APOL5: variants seen among roughly 807,000 people sequenced by gnomAD.
APOL5 encodes apolipoprotein L5.
APOL5 carries 29 observed loss-of-function variants against 35.5 expected under a neutral mutation model. The observed-to-expected ratio is 0.82, with a 90% CI of 0.61 to 1.11. The LOEUF (loss-of-function observed/expected upper bound fraction) is 1.11, where lower values mean the gene tolerates loss of function less well. APOL5 is among the 50% of genes most tolerant of loss of function. The pLI, the probability that APOL5 is intolerant of heterozygous loss-of-function variation, is 0.00. For missense variants in APOL5, 514 were observed against 530.4 expected (o/e 0.97, Z 0.30); for synonymous variants, 188 against 200.2 (o/e 0.94, Z 0.51).
chr22:35,722,909 C>G (rs1927023612), intron 2 of APOL5, among the ~76,000 whole-genome samples: 1 of 152,122 alleles, frequency 6.6e-6, no homozygotes, highest in Non-Finnish European at 1.5e-5. Flanking sequence ...CCTTCCAGCT[C>G]TAACATCTCA....
chr22:35,717,037 T>C (rs5999969), upstream of APOL5, among the ~76,000 whole-genome samples: 12,679 of 150,840 alleles, frequency 0.084, 1,834 homozygotes, highest in African/African-American at 0.29. Flanking sequence ...GTGGTGGGTG[T>C]ATTTCTAGAG....
chr22:35,723,600 C>A (rs777019395), intron 2 of APOL5, among the ~76,000 whole-genome samples: 96 of 152,202 alleles, frequency 6.3e-4, no homozygotes, highest in Non-Finnish European at 9.3e-4. Context: ...AAGCTCCCCC[C>A]ACTTGCCTGT....
At position 35,728,717 on chromosome 22, in the gene APOL5, C is replaced by A. The variant is rs781681932; in HGVS notation, c.1127-6C>A. 3 of 1,610,292 alleles carry A rather than the reference C, an allele frequency of 1.9e-6. No individual in the cohort carries two copies. In the Admixed American group the frequency reaches 5.0e-5, roughly 27 times the overall value. ...GTTGTAAGACACAGGGACTCATGTT[C>A]CACAGGGTCTCGCTCACCTCTCCCC... On this transcript the variant is annotated splice_polypyrimidine_tract_variant and splice_region_variant and intron_variant, in intron 3 of 4. Coordinates refer to ENST00000249044, the MANE Select transcript of APOL5 (RefSeq NM_030642.1).
At chr22:35,723,256 A>C (rs758879638) in intron 2 of APOL5, among the ~76,000 whole-genome samples, 7 of 152,186 alleles carry the variant, frequency 4.6e-5, no homozygotes, top group Non-Finnish European at 1.0e-4. Context: ...ACCCAAGCCA[A>C]GTCTCTTGTA....
At chr22:35,712,414 A>C in the APOL5 span, among the ~76,000 whole-genome samples, 1 of 152,162 alleles carries the variant, frequency 6.6e-6, no homozygotes, top group South Asian at 2.1e-4. Flanking sequence ...ACAGAGTCTC[A>C]CTATTGTTGC....
rs369404412 is a variant in APOL5, at chr22:35,727,090, A to G, written c.1022A>G (p.Asp341Gly). 232 of 1,611,850 alleles carry G rather than the reference A, an allele frequency of 1.4e-4. No individual in the cohort carries two copies. The highest frequency in any genetic ancestry group is 1.9e-4 in the Non-Finnish European group (220 of 1,180,012). Residue 341 changes from aspartate (D) to glycine (G), a missense_variant, in exon 3 of 5, where the codon GAC becomes GGC. This residue lies in a region of APOL5 where 238 missense variants were observed against 229.1 expected (regional missense o/e 1.04). Coordinates refer to ENST00000249044, the MANE Select transcript of APOL5 (RefSeq NM_030642.1). Reference protein sequence around the residue: ...ALAKKLEQELDRLTQHHRHLP... With the variant: ...ALAKKLEQELGRLTQHHRHLP... ...GCTAAGAAGCTGGAGCAGGAGCTGGACCGGCTCACCCAGCACCACCGGCAC... is the reference window on the plus strand; with the variant it reads ...GCTAAGAAGCTGGAGCAGGAGCTGGGCCGGCTCACCCAGCACCACCGGCAC...
chr22:35,729,422 T>A lies in APOL5; in HGVS notation c.*75T>A, dbSNP rs773733700. 6.6e-6 allele frequency: 1 copy of A among 152,244 alleles called. No homozygotes were observed. Among genetic ancestry groups the A allele is most frequent in the Non-Finnish European group, 1.5e-5 (1 of 68,150 alleles). The allele number at this position is 152,244 out of a possible 1,614,324, so 9.4% of individuals were successfully genotyped here. A position where few individuals can be genotyped will look rare whatever the true frequency, so the allele number is the denominator to read the frequency against. The stretch of plus-strand genomic sequence containing the variant: ...AATGCAAGTCTTCCCTGAAGAATAC[T>A]GGGGGTAGGGAAACTTCTAGTGGCA... On this transcript the variant is annotated 3_prime_UTR_variant, in exon 5 of 5. Transcript: ENST00000249044.
chr22:35,717,982 C>A, intron 1 of APOL5, 56 bp downstream of exon 1: 2 of 1,413,494 alleles, frequency 1.4e-6, no homozygotes, highest in South Asian at 1.5e-5. Context: ...ACAAATTGTC[C>A]CAGAAATAGA....
chr22:35,727,051 A>G lies in APOL5; in HGVS notation c.983A>G (p.Glu328Gly). ...GGGGCAAGGACGGAGACAGCAGAGG[A>G]ACTGAGAGCACTTGCTAAGAAGCTG... ...EDGARTETAEELRALAKKLEQ... is the reference protein window; with the variant it reads ...EDGARTETAEGLRALAKKLEQ... The change falls in exon 3 of 5, where the codon GAA (glutamate) becomes GGA (glycine). Residue 328 changes from glutamate (E) to glycine (G), a missense_variant. Coordinates refer to ENST00000249044, the MANE Select transcript of APOL5 (RefSeq NM_030642.1). 6.2e-7 allele frequency: 1 copy of G among 1,613,868 alleles called. No individual in the cohort carries two copies. Among genetic ancestry groups the G allele is most frequent in the Middle Eastern group, 1.7e-4 (1 of 6,046 alleles).
At position 35,728,849 on chromosome 22, in the gene APOL5, C is replaced by A. The variant is rs148906900; in HGVS notation, c.1253C>A (p.Pro418Gln). 1.9e-5 allele frequency: 30 copies of A among 1,611,220 alleles called. No individual in the cohort carries two copies. Among genetic ancestry groups the A allele is most frequent in the Non-Finnish European group, 2.5e-5 (29 of 1,178,810 alleles). ...ATGCTTGGCCACCAGCCAGCCCCACCAGCACCAGCAAGAAAGGGGAGACAG... is the reference window on the plus strand; with the variant it reads ...ATGCTTGGCCACCAGCCAGCCCCACAAGCACCAGCAAGAAAGGGGAGACAG... Reference protein sequence around the residue: ...PRMLGHQPAPPAPARKGRQAP... With the variant: ...PRMLGHQPAPQAPARKGRQAP... Residue 418 changes from proline to glutamine, a missense_variant, in exon 4 of 5, where the codon CCA becomes CAA. Transcript: ENST00000249044.
At position 35,728,669 on chromosome 22, in the gene APOL5, A is replaced by C. The variant is rs79062836; in HGVS notation, c.1127-54A>C. 8.3e-4 allele frequency: 1,309 copies of C among 1,578,646 alleles called. 1 individual carries two copies. The African/African-American group carries it at 0.01, about 13-fold the overall frequency. The stretch of plus-strand genomic sequence containing the variant: ...GACATATTTGAGCTTCTGAACGTCC[A>C]GGGGCAGATCTCTTTCTTGGAAGTT... On this transcript the variant is annotated intron_variant, in intron 3 of 4. Transcript: ENST00000249044.
rs1020979664 is a variant in APOL5, at chr22:35,727,167, C to T, written c.1099C>T (p.Arg367Ter). 2.5e-6 allele frequency: 4 copies of T among 1,603,602 alleles called. No individual in the cohort carries two copies. The highest frequency in any genetic ancestry group is 3.4e-6 in the Non-Finnish European group (4 of 1,179,334). The change falls in exon 3 of 5, where the codon CGA becomes TGA. Residue 367 changes from arginine to a stop codon, truncating the protein, a stop_gained. Transcript: ENST00000249044. LOFTEE classifies it high-confidence loss of function. ...TTCCAGCTCCCGGGGCAGGGCTGTT[C>T]GAGGATCCCGTGTGGTTAAACCAGA... ...TCSSSRGRAV[R>*]GSRVVKPEGS...
chr22:35,722,511 G>A (rs975222115), intron 2 of APOL5, among the ~76,000 whole-genome samples: 3 of 152,186 alleles, frequency 2.0e-5, no homozygotes, highest in Non-Finnish European at 1.5e-5. Context: ...ACGTTGGCCA[G>A]GCTGGTCTCG....
chr22:35,727,255 TG>T (rs1569153872), intron 3 of APOL5, 61 bp downstream of exon 3: 3 of 1,541,238 alleles, frequency 1.9e-6, no homozygotes, highest in African/African-American at 1.4e-5. Flanking sequence ...ACCATGAGGG[TG>T]GGGGGCGACG....
chr22:35,719,124 A>G (rs916715722), intron 1 of APOL5, among the ~76,000 whole-genome samples: 3 of 152,178 alleles, frequency 2.0e-5, no homozygotes, highest in African/African-American at 4.8e-5. Context: ...TATAAAAGCC[A>G]TGCGAAAAAT....
upstream of APOL5, among the ~76,000 whole-genome samples, chr22:35,715,394 A>G (rs985697150): frequency 7.9e-5 from 12 of 152,296 alleles, no homozygotes; most frequent in East Asian, 1.4e-3. Flanking sequence ...CTTTAATCCC[A>G]GCACTTTGAG....
At position 35,727,089 on chromosome 22, in the gene APOL5, G is replaced by T. The variant is rs745525496; in HGVS notation, c.1021G>T (p.Asp341Tyr). The T allele has an allele frequency of 1.2e-5, 19 of 1,612,104 alleles. No individual in the cohort carries two copies. Among genetic ancestry groups the T allele is most frequent in the Non-Finnish European group, 1.4e-5 (17 of 1,180,022 alleles). The part of the protein sequence containing the change: ...ALAKKLEQEL[D>Y]RLTQHHRHLP... ...TGCTAAGAAGCTGGAGCAGGAGCTG[G>T]ACCGGCTCACCCAGCACCACCGGCA... Residue 341 changes from aspartate (D) to tyrosine (Y), a missense_variant, in exon 3 of 5, where the codon GAC becomes TAC. By Grantham distance (160) the Asp-to-Tyr change is radical. Coordinates refer to ENST00000249044, the MANE Select transcript of APOL5 (RefSeq NM_030642.1).
intron 1 of APOL5, 99 bp from the exon 2 acceptor site, chr22:35,720,469 A>T (rs1926928720): frequency 3.3e-6 from 3 of 906,244 alleles, no homozygotes; most frequent in African/African-American, 3.3e-5. Context: ...TAATTCTCCA[A>T]TATTGTAATT....
rs537605531 is a variant in APOL5 at position 35,718,620 on chromosome 22, C to T, written c.55+694C>T. 5.8e-5 allele frequency among the ~76,000 whole-genome samples: 8 copies of T among 137,496 alleles called. No individual in the cohort carries two copies. The East Asian group carries it at 8.5e-4, about 15-fold the overall frequency. 90.2% of individuals were successfully genotyped at this position (137,496 alleles called of 152,430 possible). On this transcript the variant is annotated intron_variant, in intron 1 of 4. Coordinates refer to ENST00000249044, the MANE Select transcript of APOL5 (RefSeq NM_030642.1). ...AAAAAAAAAAAAAAAAAAAAAAAGACGCCAAAGTGCCATGATAAGGGAGTG... is the reference window on the plus strand; with the variant it reads ...AAAAAAAAAAAAAAAAAAAAAAAGATGCCAAAGTGCCATGATAAGGGAGTG...
Sources: gnomAD v4.1 joint callset for allele counts (sites outside exome capture counted in the v4.1 genomes callset) on GRCh38, gnomAD v4.1.1 for gene constraint, gnomAD v4.1.1 regional missense constraint, MANE v1.5 for transcripts, NCBI Gene and HGNC (gene_info 2026-07-23, HGNC 2026-07-21) for gene names.